PLCH1: variants seen among roughly 807,000 people sequenced by gnomAD.
PLCH1 encodes phospholipase C eta 1.
Under a neutral mutation model 126.7 loss-of-function variants are expected in PLCH1, and 60 were observed. The observed-to-expected ratio is 0.47, with a 90% CI of 0.38 to 0.59. The LOEUF (loss-of-function observed/expected upper bound fraction) is 0.59, where lower values mean the gene tolerates loss of function less well. PLCH1 is among the 20% of genes least tolerant of loss of function. The pLI is 0.00. For missense variants in PLCH1, 1,723 were observed against 2,040.0 expected (o/e 0.84, Z 2.99); for synonymous variants, 719 against 734.9 (o/e 0.98, Z 0.35).
downstream of PLCH1, among the ~76,000 whole-genome samples, chr3:155,475,992 C>T (rs966242604): frequency 2.6e-5 from 4 of 151,998 alleles, no homozygotes; most frequent in African/African-American, 9.7e-5. Context: ...GACACAAAAA[C>T]CAGAAAAAGA....
intron 3 of PLCH1, 24 bp downstream of exon 3, chr3:155,596,208 A>G: frequency 6.2e-7 from 1 of 1,600,598 alleles, no homozygotes; most frequent in Non-Finnish European, 8.6e-7. Context: ...CCAGCCAAGC[A>G]AAGAATTCAA....
At chr3:155,550,268 A>G (rs1725931211) in intron 9 of PLCH1, among the ~76,000 whole-genome samples, 1 of 152,226 alleles carries the variant, frequency 6.6e-6, no homozygotes, top group African/African-American at 2.4e-5. Context: ...GAAAATTTTA[A>G]AAGAGATGAG....
At chr3:155,470,271 T>G (rs1334450110) in intron 21 of PLCH1, among the ~76,000 whole-genome samples, 2 of 151,990 alleles carry the variant, frequency 1.3e-5, no homozygotes, top group Non-Finnish European at 2.9e-5. Flanking sequence ...GAGAACTACG[T>G]GAAGAATACA....
In PLCH1 at chr3:155,481,089, T is replaced by C. The variant is rs1333950849; in HGVS notation, c.4937A>G (p.Glu1646Gly). ...GGGLEGRGIP[E>G]GACTALHYGH... The stretch of plus-strand genomic sequence containing the variant: ...ATAGTGAAGAGCCGTGCATGCCCCC[T>C]CTGGGATGCCCCGGCCTTCAAGGCC... Residue 1646 changes from glutamate to glycine, a missense_variant, in exon 23 of 23, where the codon GAG (glutamate) becomes GGG (glycine). Physicochemically the swap from Glu to Gly is moderately conservative, Grantham distance 98. Around this residue, in one of 2 missense-constraint regions of PLCH1, gnomAD observed 947 missense variants for 977.1 expected, o/e 0.97. Coordinates refer to ENST00000460012, the MANE Select transcript of PLCH1 (RefSeq NM_014996.4). This position sits in a 1 kb window ranked among gnomAD's most constrained non-coding sequence, Gnocchi z 4.2. 2 of 1,614,170 alleles carry C rather than the reference T, an allele frequency of 1.2e-6. No homozygotes were observed. The highest frequency in any genetic ancestry group is 4.5e-5 in the East Asian group (2 of 44,868).
At position 155,735,005 on chromosome 3, in the gene PLCH1, A is replaced by G. The variant is rs182998456; in HGVS notation, c.-41+9835T>C. Among the ~76,000 whole-genome samples the G allele has an allele frequency of 1.3e-3, 199 of 152,198 alleles. 1 individual carries two copies. Among genetic ancestry groups the G allele is most frequent in the Admixed American group, 2.4e-3 (37 of 15,292 alleles). On this transcript the variant is annotated intron_variant, in intron 1 of 22. Transcript: ENST00000460012. ...ATTACAGGCGTGAGCCACCGCGCCC[A>G]GCCTATACACAGTAGCATTCTATTC...
At chr3:155,517,509 C>G (rs1345524018) in intron 11 of PLCH1, among the ~76,000 whole-genome samples, 1 of 152,062 alleles carries the variant, frequency 6.6e-6, no homozygotes, top group Admixed American at 6.6e-5. Flanking sequence ...TATGGTGGCC[C>G]TATGTATTCC....
intron 10 of PLCH1, among the ~76,000 whole-genome samples, chr3:155,535,163 G>A (rs115543414): frequency 0.011 from 1,644 of 152,292 alleles, 32 homozygotes; most frequent in African/African-American, 0.038. Context: ...TGTCTCACAG[G>A]GGCCTTTGGG....
chr3:155,564,147 T>C (rs553626800), intron 8 of PLCH1, among the ~76,000 whole-genome samples: 2 of 152,326 alleles, frequency 1.3e-5, no homozygotes, highest in East Asian at 3.9e-4. Flanking sequence ...TCATCCCTTC[T>C]ACTAGACTGT....
intron 2 of PLCH1, among the ~76,000 whole-genome samples, chr3:155,643,623 C>A (rs990574846): frequency 1.3e-5 from 2 of 152,214 alleles, no homozygotes; most frequent in Non-Finnish European, 2.9e-5. Flanking sequence ...TGAAATTCAT[C>A]TTTAACTGTT....
intron 2 of PLCH1, among the ~76,000 whole-genome samples, chr3:155,601,099 C>A (rs886197981): frequency 6.6e-6 from 1 of 152,114 alleles, no homozygotes; most frequent in African/African-American, 2.4e-5. Context: ...CTCAGCCTCC[C>A]GAGTAGCTGG....
At chr3:155,486,556 C>CG (rs1240563560) in intron 21 of PLCH1, among the ~76,000 whole-genome samples, 1 of 125,472 alleles carries the variant, frequency 8.0e-6, no homozygotes, top group Admixed American at 9.8e-5. Context: ...CTCGCTCTGT[C>CG]GCCCAGGCCG....
chr3:155,669,153 GAA>G (rs375786717), intron 2 of PLCH1, among the ~76,000 whole-genome samples: 3 of 109,468 alleles, frequency 2.7e-5, no homozygotes, highest in African/African-American at 3.4e-5. Flanking sequence ...TACTTCTTCA[GAA>G]AAAAAAAAAA....
chr3:155,645,976 T>A (rs1559889621), intron 2 of PLCH1, among the ~76,000 whole-genome samples: 1 of 152,198 alleles, frequency 6.6e-6, no homozygotes, highest in African/African-American at 2.4e-5. Context: ...AAAGGTGCTA[T>A]ACTTAGATGT....
intron 2 of PLCH1, among the ~76,000 whole-genome samples, chr3:155,635,751 A>G (rs919003154): frequency 1.3e-5 from 2 of 152,214 alleles, no homozygotes; most frequent in African/African-American, 2.4e-5. Flanking sequence ...TGATTCTTAA[A>G]CATCTAATTA....
intron 12 of PLCH1, among the ~76,000 whole-genome samples, chr3:155,509,164 T>G (rs1297576538): frequency 5.0e-5 from 7 of 140,334 alleles, no homozygotes; most frequent in South Asian, 2.2e-4. Context: ...AGTATTCTCT[T>G]ATGGTAGTTT....
At chr3:155,670,414 G>A (rs753763457) in intron 2 of PLCH1, among the ~76,000 whole-genome samples, 1 of 152,092 alleles carries the variant, frequency 6.6e-6, no homozygotes, top group Non-Finnish European at 1.5e-5. Flanking sequence ...GAAGCAAGAG[G>A]TCACTGGATT....
chr3:155,626,551 C>T (rs1228241905), intron 2 of PLCH1, among the ~76,000 whole-genome samples: 1 of 151,918 alleles, frequency 6.6e-6, no homozygotes. Flanking sequence ...GGGTGGTTCA[C>T]GAGGTCAGGA....
At chr3:155,591,734 T>G (rs979674361) in intron 4 of PLCH1, among the ~76,000 whole-genome samples, 5 of 150,662 alleles carry the variant, frequency 3.3e-5, no homozygotes, top group Non-Finnish European at 7.5e-5. Context: ...ATCTTCAGGG[T>G]TTTTTTGTTA....
intron 2 of PLCH1, among the ~76,000 whole-genome samples, chr3:155,598,356 C>G (rs956104401): frequency 6.6e-6 from 1 of 152,144 alleles, no homozygotes; most frequent in African/African-American, 2.4e-5. Flanking sequence ...CCACATTAAC[C>G]ATCTCACACG....
Sources: allele counts gnomAD v4.1 joint callset (sites outside exome capture counted in the v4.1 genomes callset), GRCh38; gene constraint gnomAD v4.1.1; regional missense constraint gnomAD v4.1.1; non-coding constraint Gnocchi (gnomAD v3.1); transcripts MANE v1.5; gene names NCBI Gene and HGNC (gene_info 2026-07-23, HGNC 2026-07-21).